KLHL1: variants seen among roughly 807,000 people sequenced by gnomAD.
The protein encoded by KLHL1 is kelch-like protein 1.
KLHL1 carries 47 observed loss-of-function variants against 77.7 expected under a neutral mutation model. The observed-to-expected ratio is 0.60, with a 90% CI of 0.48 to 0.77. KLHL1 has a LOEUF of 0.77. KLHL1 is among the 30% of genes least tolerant of loss of function. The pLI is 0.00. For missense variants in KLHL1, 925 were observed against 910.8 expected (o/e 1.02, Z -0.20); for synonymous variants, 360 against 325.2 (o/e 1.11, Z -1.15).
intron 1 of KLHL1, among the ~76,000 whole-genome samples, chr13:70,093,661 C>T (rs1887722121): frequency 6.6e-6 from 1 of 151,890 alleles, no homozygotes; most frequent in Non-Finnish European, 1.5e-5. Context: ...ATTTTTTTCT[C>T]TAAATTTGTT....
chr13:69,849,637 TTA>T (rs1879607451), intron 5 of KLHL1, among the ~76,000 whole-genome samples: 1 of 151,422 alleles, frequency 6.6e-6, no homozygotes, highest in South Asian at 2.1e-4. Context: ...ACATTTAGTT[TTA>T]TCAGTCATAT....
chr13:69,926,335 T>A (rs1168093515), intron 4 of KLHL1, among the ~76,000 whole-genome samples: 1 of 152,176 alleles, frequency 6.6e-6, no homozygotes, highest in Non-Finnish European at 1.5e-5. Flanking sequence ...GCCATGACTT[T>A]AAAAAAAATA....
At chr13:70,098,464 A>G (rs1016005543) in intron 1 of KLHL1, among the ~76,000 whole-genome samples, 2 of 151,886 alleles carry the variant, frequency 1.3e-5, no homozygotes, top group African/African-American at 4.8e-5. Flanking sequence ...GCATGATAGT[A>G]AGTCATTGAA....
chr13:69,722,389 C>T (rs1172670770), intron 8 of KLHL1, among the ~76,000 whole-genome samples: 2 of 151,514 alleles, frequency 1.3e-5, no homozygotes, highest in Non-Finnish European at 2.9e-5. Flanking sequence ...GACATACAAC[C>T]TACCAAGACT....
intron 1 of KLHL1, among the ~76,000 whole-genome samples, chr13:70,078,689 C>G (rs1441952980): frequency 5.3e-5 from 8 of 152,162 alleles, no homozygotes; most frequent in African/African-American, 1.9e-4. Context: ...ATCTTTGCGA[C>G]CACTGCCAGC....
At position 69,938,760 on chromosome 13, in the gene KLHL1, CA is replaced by C. The variant is rs371618403; in HGVS notation, c.1014+1279del. ...GGAAAATTTCTAAAGAAGGATTTGCCAATAGAATTACAAATTGCATATCTTC... is the reference window on the plus strand; with the variant it reads ...GGAAAATTTCTAAAGAAGGATTTGCCATAGAATTACAAATTGCATATCTTC... On this transcript the variant is annotated intron_variant, in intron 4 of 10. Coordinates refer to ENST00000377844, the MANE Select transcript of KLHL1 (RefSeq NM_020866.3). Among the ~76,000 whole-genome samples the C allele has an allele frequency of 3.9e-3, 597 of 152,088 alleles. 3 individuals are homozygous for C. Among genetic ancestry groups the C allele is most frequent in the African/African-American group, 0.014 (564 of 41,520 alleles).
At chr13:70,101,322 T>C (rs1265263709) in intron 1 of KLHL1, among the ~76,000 whole-genome samples, 1 of 152,168 alleles carries the variant, frequency 6.6e-6, no homozygotes, top group East Asian at 1.9e-4. Flanking sequence ...TTGCATCTTG[T>C]ATTTATATAT....
rs548953533 is a variant in KLHL1 at position 69,878,256 on chromosome 13, A to G, written c.1227+4027T>C. On this transcript the variant is annotated intron_variant, in intron 5 of 10. Transcript: ENST00000377844. ...TGGAAACATCTGTTTTTTTTTATTTATATATTTTTGCTTTAAATATCTTTT... is the reference window on the plus strand; with the variant it reads ...TGGAAACATCTGTTTTTTTTTATTTGTATATTTTTGCTTTAAATATCTTTT... Among the ~76,000 whole-genome samples, 8 of 151,962 alleles carry G rather than the reference A, an allele frequency of 5.3e-5. No homozygotes were observed. The East Asian group carries it at 1.5e-3, about 29-fold the overall frequency.
chr13:69,824,555 A>T (rs943028670), intron 6 of KLHL1, among the ~76,000 whole-genome samples: 2 of 152,262 alleles, frequency 1.3e-5, no homozygotes, highest in Middle Eastern at 3.4e-3. Flanking sequence ...GGATAAACAG[A>T]TTACTATTAA....
At chr13:70,000,656 G>T (rs1885265474) in intron 1 of KLHL1, among the ~76,000 whole-genome samples, 2 of 151,712 alleles carry the variant, frequency 1.3e-5, no homozygotes, top group Non-Finnish European at 2.9e-5. Context: ...TAACATATTT[G>T]TCTACTAAGA....
At chr13:69,799,569 T>G (rs1321408393) in intron 6 of KLHL1, among the ~76,000 whole-genome samples, 1 of 152,216 alleles carries the variant, frequency 6.6e-6, no homozygotes, top group African/African-American at 2.4e-5. Flanking sequence ...CATCTTCATT[T>G]TTCAAATTAG....
chr13:69,947,389 A>T (rs1883566370), intron 3 of KLHL1, among the ~76,000 whole-genome samples: 1 of 152,082 alleles, frequency 6.6e-6, no homozygotes. Flanking sequence ...TCCCAGATCA[A>T]CACTTGAAAA....
chr13:70,089,261 T>C (rs149006716), intron 1 of KLHL1, among the ~76,000 whole-genome samples: 1 of 152,304 alleles, frequency 6.6e-6, no homozygotes, highest in Non-Finnish European at 1.5e-5. Flanking sequence ...TTGGGCAACA[T>C]TAGTTTCACT....
chr13:70,086,311 G>A (rs1483955850), intron 1 of KLHL1, among the ~76,000 whole-genome samples: 3 of 151,248 alleles, frequency 2.0e-5, no homozygotes, highest in Non-Finnish European at 4.4e-5. Flanking sequence ...GGCTGGGCAT[G>A]GAGGCTCATG....
At position 70,067,634 on chromosome 13, in the gene KLHL1, G is replaced by GACAACAACA. The variant is rs3072584; in HGVS notation, c.497+39560_497+39568dup. Among the ~76,000 whole-genome samples the GACAACAACA allele has an allele frequency of 5.0e-3, 757 of 151,038 alleles. 6 individuals carry two copies. Among genetic ancestry groups the GACAACAACA allele is most frequent in the Middle Eastern group, 0.014 (4 of 294 alleles). On this transcript the variant is annotated intron_variant, in intron 1 of 10. Transcript: ENST00000377844. ...TACAGGGGCTCAGATGACATATTTT[G>GACAACAACA]ACAACAACAACAACAACAACAACAA...
At chr13:69,848,505 TC>T (rs1879560319) in intron 5 of KLHL1, among the ~76,000 whole-genome samples, 1 of 151,532 alleles carries the variant, frequency 6.6e-6, no homozygotes, top group Non-Finnish European at 1.5e-5. Context: ...CTGTAGTATT[TC>T]CCAATCCATC....
intron 8 of KLHL1, among the ~76,000 whole-genome samples, chr13:69,726,515 C>T (rs973926607): frequency 6.6e-6 from 1 of 152,020 alleles, no homozygotes; most frequent in Admixed American, 6.6e-5. Context: ...TTTCTAGTTG[C>T]TAAGAAATGA....
chr13:69,707,263 C>T (rs1875667404), intron 10 of KLHL1, among the ~76,000 whole-genome samples: 3 of 151,968 alleles, frequency 2.0e-5, no homozygotes, highest in Admixed American at 6.6e-5. Context: ...TTGATTTCTG[C>T]AGCCTTTATA....
intron 5 of KLHL1, among the ~76,000 whole-genome samples, chr13:69,872,126 A>T (rs1379076801): frequency 6.6e-6 from 1 of 152,168 alleles, no homozygotes; most frequent in Non-Finnish European, 1.5e-5. Flanking sequence ...CACAAAAAGC[A>T]TGGCACCTAC....
Sources: gnomAD v4.1 joint callset for allele counts (sites outside exome capture counted in the v4.1 genomes callset) on GRCh38, gnomAD v4.1.1 for gene constraint, MANE v1.5 for transcripts, NCBI Gene and HGNC (gene_info 2026-07-23, HGNC 2026-07-21) for gene names.